The following B9D1 variants were observed in gnomAD, a reference collection of about 807,000 sequenced individuals.
B9D1 encodes B9 domain containing 1, also known as B9 domain-containing protein 1.
A neutral mutation model predicts 26.1 loss-of-function variants in B9D1; 20 were observed. That is an observed-to-expected ratio of 0.77 (90% CI 0.54 to 1.12). The LOEUF is 1.12. Among genes scored for constraint, B9D1 ranks in the 50% most tolerant of loss-of-function variants. B9D1 has a pLI of 0.00. For missense variants in B9D1, 260 were observed against 273.7 expected (o/e 0.95, Z 0.35); for synonymous variants, 105 against 103.1 (o/e 1.02, Z -0.11).
intron 5 of B9D1, chr17:19,346,886 A>G (rs929587786): frequency 1.3e-5 from 19 of 1,414,372 alleles, no homozygotes; most frequent in Non-Finnish European, 1.7e-5. Context: ...CCGGCCAGAG[A>G]CTCCCACATG....
At chr17:19,349,474 C>T (rs1206555551) in intron 3 of B9D1, among the ~76,000 whole-genome samples, 2 of 151,940 alleles carry the variant, frequency 1.3e-5, no homozygotes, top group African/African-American at 4.8e-5. Context: ...CAACCTCAAC[C>T]TCCTGGGCTG....
Position 19,372,528 on chromosome 17 carries a change from T to C in B9D1, c.-298+5331A>G, listed in dbSNP as rs1429617255. Among the ~76,000 whole-genome samples, 1 of 152,204 alleles carries C rather than the reference T, an allele frequency of 6.6e-6. No individual in the cohort carries two copies. The highest frequency in any genetic ancestry group is 2.4e-5 in the African/African-American group (1 of 41,456). The stretch of plus-strand genomic sequence containing the variant: ...TGCCGCATGCTCGTCTATTAGGTCC[T>C]GACTTACATGTCACTTCCAGGGCCC... On this transcript the variant is annotated intron_variant, in intron 1 of 5. Transcript: ENST00000477478. This position sits in a 1 kb window ranked among gnomAD's most constrained non-coding sequence, Gnocchi z 4.4.
chr17:19,350,098 C>T (rs932876468), intron 3 of B9D1, among the ~76,000 whole-genome samples: 7 of 150,432 alleles, frequency 4.7e-5, no homozygotes, highest in Non-Finnish European at 7.4e-5. Flanking sequence ...GGCGACAGAG[C>T]GAAATTCTGT....
chr17:19,338,673 A>G (rs897405155), downstream of B9D1, among the ~76,000 whole-genome samples: 7 of 152,204 alleles, frequency 4.6e-5, no homozygotes, highest in African/African-American at 1.4e-4. Context: ...TTCTGCTGGC[A>G]GCCCACATGT....
chr17:19,344,890 C>T (rs1220686243), intron 5 of B9D1, among the ~76,000 whole-genome samples: 5 of 152,236 alleles, frequency 3.3e-5, no homozygotes, highest in Admixed American at 3.3e-4. Context: ...CCAGCAGGCG[C>T]TCCCCAAGGG....
At chr17:19,335,354 A>G, downstream of B9D1, 1 of 1,529,896 alleles carries the variant, frequency 6.5e-7, no homozygotes, top group Non-Finnish European at 8.8e-7. Flanking sequence ...AATCTAATGT[A>G]TGAATGTGAC....
chr17:19,355,165 CTG>C (rs1208570918), intron 3 of B9D1, among the ~76,000 whole-genome samples: 1 of 152,152 alleles, frequency 6.6e-6, no homozygotes, highest in Non-Finnish European at 1.5e-5. Flanking sequence ...ATCTCTTCAG[CTG>C]TGTTTAATCT....
intron 3 of B9D1, 25 bp downstream of exon 3, chr17:19,357,815 C>A: frequency 1.9e-6 from 3 of 1,575,392 alleles, no homozygotes; most frequent in Non-Finnish European, 2.6e-6. Flanking sequence ...TGCCACCCTA[C>A]CCCACAGGGC....
chr17:19,376,784 C>A (rs1912144045), intron 1 of B9D1, among the ~76,000 whole-genome samples: 1 of 132,180 alleles, frequency 7.6e-6, no homozygotes, highest in African/African-American at 3.6e-5. Context: ...GAGACTCACT[C>A]TTCAAATAAA....
At chr17:19,339,715 T>G (rs1373118179), downstream of B9D1, among the ~76,000 whole-genome samples, 1 of 152,188 alleles carries the variant, frequency 6.6e-6, no homozygotes, top group African/African-American at 2.4e-5. Context: ...GGCTCCTCCC[T>G]TATGATGCTG....
chr17:19,370,325 G>A lies in B9D1; in HGVS notation c.-298+7534C>T, dbSNP rs1267079422. On this transcript the variant is annotated intron_variant, in intron 1 of 5. Transcript: ENST00000477478. The surrounding 1 kb of genome is among the most constrained non-coding windows in gnomAD (Gnocchi z 5.1). ...AACTGGGTGTTGGATCTGGAGCTCA[G>A]GGAGAACAACCCTCAGAGGAGATGG... Among the ~76,000 whole-genome samples the A allele has an allele frequency of 6.6e-6, 1 of 152,250 alleles. No homozygotes were observed. Among genetic ancestry groups the A allele is most frequent in the Non-Finnish European group, 1.5e-5 (1 of 68,042 alleles).
At chr17:19,352,966 C>G (rs1909830420) in intron 3 of B9D1, among the ~76,000 whole-genome samples, 1 of 151,384 alleles carries the variant, frequency 6.6e-6, no homozygotes, top group South Asian at 2.1e-4. Flanking sequence ...CCACACACAG[C>G]CTTCTTTTAC....
intron 3 of B9D1, among the ~76,000 whole-genome samples, chr17:19,352,514 ATTTTTTT>A (rs34659490): frequency 1.1e-3 from 102 of 95,140 alleles, no homozygotes; most frequent in Non-Finnish European, 1.3e-3. Flanking sequence ...GGCCTGGCTA[ATTTTTTT>A]TTTTTTTTTT....
chr17:19,358,659 G>A (rs1308226379), intron 2 of B9D1, among the ~76,000 whole-genome samples: 1 of 152,140 alleles, frequency 6.6e-6, no homozygotes, highest in Non-Finnish European at 1.5e-5. Context: ...TGCACAGGGT[G>A]GCCCCTGCTC....
At chr17:19,340,061 ACTCGCG>A (rs2152247941), downstream of B9D1, among the ~76,000 whole-genome samples, 1 of 125,748 alleles carries the variant, frequency 8.0e-6, no homozygotes, top group South Asian at 3.3e-4. Flanking sequence ...CTTCCCGGGC[ACTCGCG>A]CCTTCAGCCT....
At chr17:19,365,030 C>T (rs1281853530), upstream of B9D1, among the ~76,000 whole-genome samples, 2 of 152,276 alleles carry the variant, frequency 1.3e-5, no homozygotes, top group Non-Finnish European at 2.9e-5. The surrounding 1 kb of genome is among the most constrained non-coding windows in gnomAD (Gnocchi z 5.0). Flanking sequence ...TCAACCATCC[C>T]AGGCTTCTGC....
rs541485581 is a variant in B9D1 at position 19,374,302 on chromosome 17, A to T, written c.-298+3557T>A. 2.0e-5 allele frequency among the ~76,000 whole-genome samples: 3 copies of T among 152,308 alleles called. No homozygotes were observed. In the East Asian group the frequency reaches 5.8e-4, roughly 29 times the overall value. ...CTTTCAATGGCGGGGTCACAGTTCG[A>T]TGGCTACGTAGAAATGCTGATCTGA... is the stretch of plus-strand genomic sequence containing the variant. On this transcript the variant is annotated intron_variant, in intron 1 of 5. Transcript: ENST00000477478.
intron 1 of B9D1, among the ~76,000 whole-genome samples, chr17:19,375,719 G>A (rs1261628785): frequency 6.6e-6 from 1 of 152,216 alleles, no homozygotes; most frequent in Non-Finnish European, 1.5e-5. Context: ...TCCAGCCTGG[G>A]CGATAGAGTG....
downstream of B9D1, chr17:19,341,435 G>A (rs536258282): frequency 1.4e-5 from 10 of 727,256 alleles, no homozygotes; most frequent in East Asian, 1.0e-4. Context: ...GAAGGAGCCC[G>A]TGTAGGAAAA....
Sources: gnomAD v4.1 joint callset for allele counts (sites outside exome capture counted in the v4.1 genomes callset) on GRCh38, gnomAD v4.1.1 for gene constraint, Gnocchi (gnomAD v3.1) non-coding constraint, MANE v1.5 for transcripts, NCBI Gene and HGNC (gene_info 2026-07-23, HGNC 2026-07-21) for gene names.